PIK3C2A: variants seen among roughly 807,000 people sequenced by gnomAD.
The protein encoded by PIK3C2A is phosphatidylinositol 4-phosphate 3-kinase C2 domain-containing subunit alpha.
Under a neutral mutation model 204.5 loss-of-function variants are expected in PIK3C2A, and 97 were observed. That is an observed-to-expected ratio of 0.47 (90% CI 0.40 to 0.56). The LOEUF (loss-of-function observed/expected upper bound fraction) is 0.56. Among genes scored for constraint, PIK3C2A ranks in the 20% least tolerant of loss-of-function variants. The probability of loss-of-function intolerance (pLI) is 0.00; values close to 1 mark genes in which losing one functional copy is unlikely to be tolerated. For missense variants in PIK3C2A, 1,735 were observed against 1,969.2 expected, an observed-to-expected ratio of 0.88 and a Z score of 2.25; for synonymous variants, 653 against 664.4, an observed-to-expected ratio of 0.98 and a Z score of 0.26.
chr11:17,166,080 A>G (rs1850937425), intron 2 of PIK3C2A, among the ~76,000 whole-genome samples: 3 of 152,158 alleles, frequency 2.0e-5, no homozygotes, highest in Admixed American at 6.5e-5. Flanking sequence ...CTCTAAATAT[A>G]AGATTCATTT....
intron 32 of PIK3C2A, among the ~76,000 whole-genome samples, chr11:17,090,547 T>C (rs899358027): frequency 3.3e-5 from 5 of 152,280 alleles, no homozygotes; most frequent in Non-Finnish European, 5.9e-5. Flanking sequence ...AGTCTGGAAG[T>C]AATTAAGCAC....
chr11:17,132,618 C>T (rs1008732707), intron 11 of PIK3C2A, among the ~76,000 whole-genome samples: 5 of 151,676 alleles, frequency 3.3e-5, no homozygotes, highest in African/African-American at 9.8e-5. Context: ...CGTGAGCCAC[C>T]GCGCCCGGCC....
intron 6 of PIK3C2A, among the ~76,000 whole-genome samples, chr11:17,146,160 T>C (rs759162987): frequency 9.9e-5 from 15 of 152,120 alleles, no homozygotes; most frequent in Non-Finnish European, 2.2e-4. Context: ...ATGGAAAACA[T>C]AAATGCTTTC....
chr11:17,105,785 G>A (rs1313715260), intron 22 of PIK3C2A, among the ~76,000 whole-genome samples: 3 of 152,098 alleles, frequency 2.0e-5, no homozygotes, highest in Non-Finnish European at 2.9e-5. Context: ...TTTGACATAG[G>A]AAACCAGCTA....
Position 17,094,256 on chromosome 11 carries a change from C to T in PIK3C2A, c.4451+5G>A, listed in dbSNP as rs915999816. On this transcript the variant is annotated splice_donor_5th_base_variant and intron_variant, in intron 28 of 32. Coordinates refer to ENST00000691414, the MANE Select transcript of PIK3C2A (RefSeq NM_002645.4). ...AAGGATTAATGTACAAGGATGAATA[C>T]ATACCCTGGTAACTTCCAAAGTGGA... The T allele has an allele frequency of 1.2e-6, 2 of 1,603,938 alleles. No individual in the cohort carries two copies. Among genetic ancestry groups the T allele is most frequent in the Non-Finnish European group, 1.7e-6 (2 of 1,172,266 alleles).
At chr11:17,133,485 AATT>A (rs1350659631) in intron 11 of PIK3C2A, among the ~76,000 whole-genome samples, 3 of 152,132 alleles carry the variant, frequency 2.0e-5, no homozygotes, top group South Asian at 2.1e-4. Flanking sequence ...TAAGTCACTA[AATT>A]ATTATATTTT....
chr11:17,200,241 T>C (rs922381036), intron 1 of PIK3C2A, among the ~76,000 whole-genome samples: 3 of 151,992 alleles, frequency 2.0e-5, no homozygotes, highest in African/African-American at 7.2e-5. Context: ...TCATATTGTT[T>C]CCCATTTTCA....
Position 17,132,041 on chromosome 11 carries a change from G to C in PIK3C2A, c.2109-3C>G. On this transcript the variant is annotated splice_polypyrimidine_tract_variant and splice_region_variant and intron_variant, in intron 11 of 32. Coordinates refer to ENST00000691414, the MANE Select transcript of PIK3C2A (RefSeq NM_002645.4). ...ATATCAAGTAGTATTTTTCATAACT[G>C]AGAAAAGAAAGTTTAACTTGATTTC... 6.7e-7 allele frequency: 1 copy of C among 1,488,562 alleles called. No individual in the cohort carries two copies. 92.2% of individuals were successfully genotyped at this position (1,488,562 alleles called of 1,614,324 possible). A position where few individuals can be genotyped will look rare whatever the true frequency, so the allele number is the denominator to read the frequency against.
At chr11:17,164,377 A>C (rs1850881024) in intron 2 of PIK3C2A, among the ~76,000 whole-genome samples, 1 of 151,896 alleles carries the variant, frequency 6.6e-6, no homozygotes, top group South Asian at 2.1e-4. Flanking sequence ...AAAAAGACAA[A>C]CTTCAGTTTC....
rs565315413 is a variant in PIK3C2A, at chr11:17,108,816, G to C, written c.3544+1616C>G. 4.0e-4 allele frequency among the ~76,000 whole-genome samples: 61 copies of C among 152,240 alleles called. 1 individual carries two copies. The South Asian group carries it at 8.1e-3, about 20-fold the overall frequency. ...AGACAACAGATTACCTGAACCATTT[G>C]CAAGGAGAATAATAAGGTGATAAGG... On this transcript the variant is annotated intron_variant, in intron 22 of 32. Coordinates refer to ENST00000691414, the MANE Select transcript of PIK3C2A (RefSeq NM_002645.4).
At chr11:17,172,144 C>T (rs552636178) in intron 1 of PIK3C2A, among the ~76,000 whole-genome samples, 56 of 152,200 alleles carry the variant, frequency 3.7e-4, no homozygotes, top group African/African-American at 1.3e-3. Flanking sequence ...CACATACTCC[C>T]ACTACTTGGG....
chr11:17,202,138 C>T (rs1047596455), intron 1 of PIK3C2A, among the ~76,000 whole-genome samples: 2 of 151,876 alleles, frequency 1.3e-5, no homozygotes, highest in African/African-American at 2.4e-5. Context: ...CACCTGTAAT[C>T]CCAGCTACTC....
chr11:17,140,575 C>T (rs1248700380), intron 8 of PIK3C2A, among the ~76,000 whole-genome samples: 2 of 152,102 alleles, frequency 1.3e-5, no homozygotes, highest in African/African-American at 4.8e-5. Context: ...GTACATGATT[C>T]CATGTACATG....
intron 1 of PIK3C2A, among the ~76,000 whole-genome samples, chr11:17,194,608 T>C (rs1852075837): frequency 6.6e-6 from 1 of 152,218 alleles, no homozygotes; most frequent in Non-Finnish European, 1.5e-5. Flanking sequence ...TGTTAGACAT[T>C]GGATGATAAG....
At chr11:17,180,517 A>G (rs866220361) in intron 1 of PIK3C2A, among the ~76,000 whole-genome samples, 1 of 136,136 alleles carries the variant, frequency 7.3e-6, no homozygotes, top group African/African-American at 2.7e-5. Context: ...AACAACAACA[A>G]CAACAAAAAA....
intron 1 of PIK3C2A, among the ~76,000 whole-genome samples, chr11:17,175,109 G>A (rs1033285524): frequency 7.2e-5 from 11 of 152,050 alleles, no homozygotes; most frequent in Non-Finnish European, 1.6e-4. Context: ...TTATTCACAG[G>A]AGAATACACT....
At chr11:17,137,851 A>G (rs1444732146) in intron 8 of PIK3C2A, 2 of 311,444 alleles carry the variant, frequency 6.4e-6, no homozygotes, top group East Asian at 6.8e-5. Context: ...GATTTTGTCA[A>G]TTGAACACAC....
intron 1 of PIK3C2A, among the ~76,000 whole-genome samples, chr11:17,194,689 C>T (rs548592342): frequency 3.3e-5 from 5 of 152,244 alleles, no homozygotes; most frequent in African/African-American, 1.2e-4. Context: ...GCAGGTGGAT[C>T]ACCTGAGGTC....
At chr11:17,132,900 T>G (rs1272096318) in intron 11 of PIK3C2A, among the ~76,000 whole-genome samples, 1 of 152,198 alleles carries the variant, frequency 6.6e-6, no homozygotes, top group Non-Finnish European at 1.5e-5. Context: ...AGCCACTAAT[T>G]GCCAAGTACA....
Sources: gnomAD v4.1 joint callset for allele counts (sites outside exome capture counted in the v4.1 genomes callset) on GRCh38, gnomAD v4.1.1 for gene constraint, MANE v1.5 for transcripts, NCBI Gene and HGNC (gene_info 2026-07-23, HGNC 2026-07-21) for gene names.